Variants in MEIOC observed in about 807,000 individuals in gnomAD.
The protein encoded by MEIOC is meiosis-specific coiled-coil domain-containing protein MEIOC.
MEIOC carries 9 observed loss-of-function variants against 85.3 expected under a neutral mutation model. That is an observed-to-expected ratio of 0.11 (90% confidence interval 0.06 to 0.18). MEIOC has a LOEUF of 0.18. Ranked by LOEUF, MEIOC falls within the 10% of genes least tolerant of loss-of-function variation. The pLI is 1.00. For missense variants in MEIOC, 898 were observed against 1,129.4 expected (o/e 0.80, Z 2.94); for synonymous variants, 365 against 393.7 (o/e 0.93, Z 0.86).
intron 2 of MEIOC, among the ~76,000 whole-genome samples, chr17:44,658,926 GT>G (rs991878845): frequency 9.3e-5 from 14 of 151,252 alleles, no homozygotes; most frequent in South Asian, 8.4e-4. Context: ...ATTAAAATAT[GT>G]TTTTTTTCGT....
At chr17:44,676,418 C>G (rs1972075363), downstream of MEIOC, among the ~76,000 whole-genome samples, 1 of 152,312 alleles carries the variant, frequency 6.6e-6, no homozygotes, top group South Asian at 2.1e-4. Flanking sequence ...GTGTCCTTCT[C>G]ACTTGAATAA....
At chr17:44,666,158 G>A (rs1240511672) in intron 4 of MEIOC, among the ~76,000 whole-genome samples, 1 of 152,112 alleles carries the variant, frequency 6.6e-6, no homozygotes, top group Non-Finnish European at 1.5e-5. Flanking sequence ...AAAGTACAGC[G>A]AAGACATTAA....
chr17:44,665,364 A>G lies in MEIOC; in HGVS notation c.360-20A>G. 6.8e-7 allele frequency: 1 copy of G among 1,462,546 alleles called. No homozygotes were observed. Among genetic ancestry groups the G allele is most frequent in the Non-Finnish European group, 9.3e-7 (1 of 1,078,634 alleles). 90.6% of individuals were successfully genotyped at this position (1,462,546 alleles called of 1,614,324 possible). On this transcript the variant is annotated intron_variant, in intron 3 of 7. Coordinates refer to ENST00000409122, the MANE Select transcript of MEIOC (RefSeq NM_001145080.3). ...AGTAATCAATATATTGTATTTCAGCACGAATTCATTTATTTTTAGGATTCA... is the reference window on the plus strand; with the variant it reads ...AGTAATCAATATATTGTATTTCAGCGCGAATTCATTTATTTTTAGGATTCA...
At chr17:44,663,930 G>A (rs774815433) in intron 3 of MEIOC, among the ~76,000 whole-genome samples, 2 of 152,034 alleles carry the variant, frequency 1.3e-5, no homozygotes, top group Admixed American at 6.5e-5. Context: ...AGATAATAAC[G>A]AATGATTACT....
Position 44,666,587 on chromosome 17 carries a change from G to A in MEIOC, c.676G>A (p.Gly226Arg), listed in dbSNP as rs530491620. 6.2e-7 allele frequency: 1 copy of A among 1,610,558 alleles called. No individual in the cohort carries two copies. The highest frequency in any genetic ancestry group is 1.7e-5 in the Admixed American group (1 of 59,470). The change falls in exon 5 of 8, where the codon GGA (glycine) becomes AGA (arginine). Residue 226 changes from glycine to arginine, a missense_variant. By Grantham distance (125) the Gly-to-Arg change is moderately radical (BLOSUM62 -2). Around this residue, in one of 2 missense-constraint regions of MEIOC, gnomAD observed 734 missense variants for 860.1 expected, o/e 0.85. Transcript: ENST00000409122. ...ACAAAAAATAGATGAACTTCATCAT[G>A]GATTTACTGGTTTAGATCTTGAAGA... Reference protein sequence around the residue: ...PQQKIDELHHGFTGLDLEEQW... With the variant: ...PQQKIDELHHRFTGLDLEEQW...
chr17:44,671,682 G>A (rs1031935650), intron 6 of MEIOC, among the ~76,000 whole-genome samples: 5 of 151,976 alleles, frequency 3.3e-5, no homozygotes, highest in Admixed American at 6.6e-5. Flanking sequence ...CAAGGTGGGC[G>A]GATCACAAGG....
Position 44,666,708 on chromosome 17 carries a change from T to A in MEIOC, c.797T>A (p.Ile266Asn). The A allele has an allele frequency of 6.2e-7, 1 of 1,613,062 alleles. No individual in the cohort carries two copies. Among genetic ancestry groups the A allele is most frequent in the Non-Finnish European group, 8.5e-7 (1 of 1,179,488 alleles). Residue 266 changes from isoleucine (I) to asparagine (N), a missense_variant, in exon 5 of 8, where the codon ATC becomes AAC. Coordinates refer to ENST00000409122, the MANE Select transcript of MEIOC (RefSeq NM_001145080.3). ...AKTTFQEYPL[I>N]KNCFTPQTGL... ...ACAACATTCCAAGAATATCCACTTA[T>A]CAAAAACTGTTTTACACCCCAAACT... is the stretch of plus-strand genomic sequence containing the variant.
Position 44,662,390 on chromosome 17 carries a change from C to T in MEIOC, c.278C>T (p.Ser93Phe), listed in dbSNP as rs982767803. ...SSTEYSSSVD[S>F]SLFCAPWSTY... ...ACAGAATATTCAAGTTCTGTAGATT[C>T]TTCACTTTTCTGTGCACCATGGTCT... Residue 93 changes from serine (S) to phenylalanine (F), a missense_variant, in exon 3 of 8, where the codon TCT becomes TTT. By Grantham distance (155) the Ser-to-Phe change is radical. Around this residue, in one of 2 missense-constraint regions of MEIOC, gnomAD observed 734 missense variants for 860.1 expected, o/e 0.85. Coordinates refer to ENST00000409122, the MANE Select transcript of MEIOC (RefSeq NM_001145080.3). 14 of 1,548,904 alleles carry T rather than the reference C, an allele frequency of 9.0e-6. No individual in the cohort carries two copies. The highest frequency in any genetic ancestry group is 1.2e-5 in the Non-Finnish European group (14 of 1,144,808).
intron 4 of MEIOC, 40 bp downstream of exon 4, chr17:44,665,528 A>G: frequency 1.0e-6 from 1 of 963,666 alleles, no homozygotes; most frequent in Non-Finnish European, 1.5e-6. Flanking sequence ...AGGCTTTTAA[A>G]CTAACATACA....
Position 44,674,051 on chromosome 17 carries a change from C to T in MEIOC, c.2714C>T (p.Ala905Val), listed in dbSNP as rs892478089. 1.3e-6 allele frequency: 2 copies of T among 1,551,650 alleles called. No homozygotes were observed. The highest frequency in any genetic ancestry group is 8.7e-7 in the Non-Finnish European group (1 of 1,146,980). ...AAAACACGCACTGCCCTGTGGTGTG[C>T]ACTGCAGATGACCTTGCCAAAAACA... ...TRKTRTALWC[A>V]LQMTLPKTAS... The change falls in exon 8 of 8, where the codon GCA becomes GTA. Residue 905 changes from alanine (A) to valine (V), a missense_variant. Ala to Val is a moderately conservative substitution (Grantham distance 64, BLOSUM62 0). Coordinates refer to ENST00000409122, the MANE Select transcript of MEIOC (RefSeq NM_001145080.3).
At chr17:44,672,301 T>C (rs1446504710) in intron 6 of MEIOC, among the ~76,000 whole-genome samples, 1 of 152,202 alleles carries the variant, frequency 6.6e-6, no homozygotes, top group East Asian at 1.9e-4. Flanking sequence ...CACATTTCTT[T>C]ACTCTTTATC....
At position 44,674,012 on chromosome 17, in the gene MEIOC, G is replaced by A; in HGVS notation, c.2675G>A (p.Cys892Tyr). The change falls in exon 8 of 8, where the codon TGT (cysteine) becomes TAT (tyrosine). Residue 892 changes from cysteine to tyrosine, a missense_variant. Physicochemically the swap from Cys to Tyr is radical, Grantham distance 194. Around this residue, in one of 2 missense-constraint regions of MEIOC, gnomAD observed 164 missense variants for 269.2 expected, o/e 0.61. Coordinates refer to ENST00000409122, the MANE Select transcript of MEIOC (RefSeq NM_001145080.3). ...CTTGCTTCTGCAATTAAAGAGATGT[G>A]TGTGGCTACTCGGAAAACACGCACT... ...FALASAIKEM[C>Y]VATRKTRTAL... 1 of 1,551,664 alleles carries A rather than the reference G, an allele frequency of 6.4e-7. No individual in the cohort carries two copies. The highest frequency in any genetic ancestry group is 8.7e-7 in the Non-Finnish European group (1 of 1,146,982).
Position 44,667,951 on chromosome 17 carries a change from T to C in MEIOC, c.2040T>C (p.Phe680=). Residue 680 remains phenylalanine (F), a synonymous_variant, in exon 5 of 8, where the codon TTT becomes TTC. Coordinates refer to ENST00000409122, the MANE Select transcript of MEIOC (RefSeq NM_001145080.3). ...MMGDLRHNQC[F]QQLGSNGFPL... ...GAGATTTAAGGCATAATCAGTGTTT[T>C]CAACAACTTGGTTCAAATGGGTTTC... The C allele has an allele frequency of 6.2e-7, 1 of 1,613,912 alleles. No homozygotes were observed.
chr17:44,669,141 T>G (rs1394867872), intron 5 of MEIOC, among the ~76,000 whole-genome samples: 1 of 151,870 alleles, frequency 6.6e-6, no homozygotes, highest in African/African-American at 2.4e-5. Flanking sequence ...AAACGGAGGT[T>G]ACAGTGAGCC....
In MEIOC at chr17:44,668,039, C is replaced by A. The variant is rs376480149; in HGVS notation, c.2128C>A (p.Leu710Ile). ...TCCACTGTTGGATTCCTATGACTTA[C>A]TTTCTTATGATGACTTAAGCCATTT... ...VVPLLDSYDLLSYDDLSHLYP... is the reference protein window; with the variant it reads ...VVPLLDSYDLISYDDLSHLYP... The change falls in exon 5 of 8, where the codon CTT becomes ATT. Residue 710 changes from leucine to isoleucine, a missense_variant. Physicochemically the swap from Leu to Ile is conservative, Grantham distance 5. This residue lies in a region of MEIOC where 734 missense variants were observed against 860.1 expected (regional missense o/e 0.85). Transcript: ENST00000409122. 11 of 1,613,368 alleles carry A rather than the reference C, an allele frequency of 6.8e-6. No homozygotes were observed. The highest frequency in any genetic ancestry group is 2.2e-5 in the East Asian group (1 of 44,882).
intron 3 of MEIOC, chr17:44,665,007 A>G (rs1342294299): frequency 3.6e-5 from 11 of 306,888 alleles, no homozygotes; most frequent in Non-Finnish European, 5.2e-5. Context: ...GTGTTGATGG[A>G]ATAATGTATA....
chr17:44,657,024 G>T, intron 1 of MEIOC, 103 bp from the exon 2 acceptor site: 1 of 1,362,620 alleles, frequency 7.3e-7, no homozygotes, highest in Non-Finnish European at 9.9e-7. Context: ...AGAGGGTTCG[G>T]AATTGAGCCG....
In MEIOC at chr17:44,656,652, C is replaced by T; in HGVS notation, c.39C>T (p.His13=). The T allele has an allele frequency of 1.3e-6, 2 of 1,489,580 alleles. No homozygotes were observed. The highest frequency in any genetic ancestry group is 1.8e-6 in the Non-Finnish European group (2 of 1,119,158). The allele number at this position is 1,489,580 out of a possible 1,614,324, so 92.3% of individuals were successfully genotyped here. A position where few individuals can be genotyped will look rare whatever the true frequency, so the allele number is the denominator to read the frequency against. Residue 13 remains histidine (H), a synonymous_variant, in exon 1 of 8, where the codon CAC becomes CAT. Transcript: ENST00000409122. Reference sequence around the variant, plus strand: ...GCGGAGACACCTGCCCGCGCCCTCACCCCTCAGGCCTGAGGGAGGAAGGAC... The same window carrying T: ...GCGGAGACACCTGCCCGCGCCCTCATCCCTCAGGCCTGAGGGAGGAAGGAC... ...VRRGDTCPRP[H]PSGLREEGLE...
intron 2 of MEIOC, among the ~76,000 whole-genome samples, chr17:44,661,956 C>T (rs1971848753): frequency 6.6e-6 from 1 of 152,088 alleles, no homozygotes; most frequent in Non-Finnish European, 1.5e-5. Flanking sequence ...GTATTTTATA[C>T]CACAGACCAG....
Sources: allele counts gnomAD v4.1 joint callset (sites outside exome capture counted in the v4.1 genomes callset), GRCh38; gene constraint gnomAD v4.1.1; regional missense constraint gnomAD v4.1.1; transcripts MANE v1.5; gene names NCBI Gene and HGNC (gene_info 2026-07-23, HGNC 2026-07-21).